The following MKI67 variants were observed in gnomAD, a reference collection of about 807,000 sequenced individuals.
MKI67 encodes the protein marker of proliferation Ki-67, also known as proliferation marker protein Ki-67.
MKI67 carries 152 observed loss-of-function variants against 233.5 expected under a neutral mutation model. That is an observed-to-expected ratio of 0.65 (90% confidence interval 0.57 to 0.74). The LOEUF (loss-of-function observed/expected upper bound fraction) is 0.74, where lower values mean the gene tolerates loss of function less well. MKI67 is among the 30% of genes least tolerant of loss of function. The probability of loss-of-function intolerance (pLI) is 0.00; values close to 1 mark genes in which losing one functional copy is unlikely to be tolerated. For synonymous variants in MKI67, 1,465 were observed against 1,418.5 expected (o/e 1.03, Z -0.74); for missense variants, 3,940 against 3,885.2 (o/e 1.01, Z -0.37).
chr10:128,112,238 C>T lies in MKI67; in HGVS notation c.1864G>A (p.Gly622Ser). Residue 622 changes from glycine (G) to serine (S), a missense_variant, in exon 9 of 15, where the codon GGC (glycine) becomes AGC (serine). Physicochemically the swap from Gly to Ser is moderately conservative, Grantham distance 56. Coordinates refer to ENST00000368654, the MANE Select transcript of MKI67 (RefSeq NM_002417.5). ...EVPKRGGRKS[G>S]NLPSKRVSIS... is the part of the protein sequence containing the mutation. ...GACACTCTCTTTGAAGGCAGGTTGCCACTCTTTCTCCCTCCTCTCTTAGGA... is the reference window on the plus strand; with the variant it reads ...GACACTCTCTTTGAAGGCAGGTTGCTACTCTTTCTCCCTCCTCTCTTAGGA... 2.5e-6 allele frequency: 4 copies of T among 1,614,212 alleles called. No individual in the cohort carries two copies. Among genetic ancestry groups the T allele is most frequent in the Non-Finnish European group, 3.4e-6 (4 of 1,180,030 alleles).
Position 128,115,476 on chromosome 10 carries a change from T to C in MKI67, c.932A>G (p.Gln311Arg). The change falls in exon 7 of 15, where the codon CAA becomes CGA. Residue 311 changes from glutamine (Q) to arginine (R), a missense_variant. Transcript: ENST00000368654. ...CTTCCCCTTGTTCTGGTCAAGCTCT[T>C]GTTCAGGTGAAGCAGGCTCTGCCAC... ...HAVAEPASPE[Q>R]ELDQNKGKGR... The C allele has an allele frequency of 6.2e-7, 1 of 1,614,012 alleles. No homozygotes were observed. The highest frequency in any genetic ancestry group is 8.5e-7 in the Non-Finnish European group (1 of 1,179,980).
intron 5 of MKI67, among the ~76,000 whole-genome samples, chr10:128,118,119 T>G (rs896669702): frequency 6.6e-6 from 1 of 152,196 alleles, no homozygotes; most frequent in Non-Finnish European, 1.5e-5. Flanking sequence ...AGAAATGGAC[T>G]GGGCATGGTG....
chr10:128,109,390 G>C lies in MKI67; in HGVS notation c.2450C>G (p.Ala817Gly). 6.2e-7 allele frequency: 1 copy of C among 1,613,812 alleles called. No homozygotes were observed. The highest frequency in any genetic ancestry group is 8.5e-7 in the Non-Finnish European group (1 of 1,179,854). The change falls in exon 13 of 15, where the codon GCA becomes GGA. Residue 817 changes from alanine (A) to glycine (G), a missense_variant. Physicochemically the swap from Ala to Gly is moderately conservative, Grantham distance 60 (BLOSUM62 0). Coordinates refer to ENST00000368654, the MANE Select transcript of MKI67 (RefSeq NM_002417.5). Reference sequence around the variant, plus strand: ...AGAGCATTTATCAGATGGCTGTTTTGCTGCATTCTGTGCACTGAAGAACAC... The same window carrying C: ...AGAGCATTTATCAGATGGCTGTTTTCCTGCATTCTGTGCACTGAAGAACAC... ...GNVFFSAQNA[A>G]KQPSDKCSAS...
intron 11 of MKI67, 26 bp downstream of exon 11, chr10:128,111,619 T>C: frequency 6.4e-7 from 1 of 1,571,644 alleles, no homozygotes. Context: ...TCAAAAGATT[T>C]ATAAGATCTA....
At position 128,115,767 on chromosome 10, in the gene MKI67, C is replaced by G; in HGVS notation, c.641G>C (p.Arg214Pro). Residue 214 changes from arginine to proline, a missense_variant, in exon 7 of 15, where the codon CGT becomes CCT. By Grantham distance (103) the Arg-to-Pro change is moderately radical (BLOSUM62 -2). Coordinates refer to ENST00000368654, the MANE Select transcript of MKI67 (RefSeq NM_002417.5). Reference sequence around the variant, plus strand: ...GGGAACAGACTTCAATTCTCCATAACGGCTCACTAATTTAACGCTGGAAAT... The same window carrying G: ...GGGAACAGACTTCAATTCTCCATAAGGGCTCACTAATTTAACGCTGGAAAT... Reference protein sequence around the residue: ...KEISSVKLVSRYGELKSVPTT... With the variant: ...KEISSVKLVSPYGELKSVPTT... The G allele has an allele frequency of 6.2e-7, 1 of 1,613,188 alleles. No individual in the cohort carries two copies. Among genetic ancestry groups the G allele is most frequent in the Non-Finnish European group, 8.5e-7 (1 of 1,180,026 alleles).
Position 128,106,728 on chromosome 10 carries a change from A to C in MKI67, c.5112T>G (p.Ser1704=), listed in dbSNP as rs773697697. 6.2e-7 allele frequency: 1 copy of C among 1,613,552 alleles called. No individual in the cohort carries two copies. Among genetic ancestry groups the C allele is most frequent in the South Asian group, 1.1e-5 (1 of 91,048 alleles). Residue 1704 remains serine, a synonymous_variant, in exon 13 of 15, where the codon TCT becomes TCG. Transcript: ENST00000368654. ...AGCCGGCCAGGTCTTCAGGGACTTC[A>C]GACTTTCCCTTAGGAGTTCTCAGCT... The part of the protein sequence containing the change: ...KRQLRTPKGK[S]EVPEDLAGFI...
Position 128,114,915 on chromosome 10 carries a change from T to C in MKI67, c.1480+13A>G. 6.5e-7 allele frequency: 1 copy of C among 1,531,738 alleles called. No homozygotes were observed. The allele number at this position is 1,531,738 out of a possible 1,614,324, so 94.9% of individuals were successfully genotyped here. A position where few individuals can be genotyped will look rare whatever the true frequency, so the allele number is the denominator to read the frequency against. On this transcript the variant is annotated intron_variant, in intron 7 of 14. Coordinates refer to ENST00000368654, the MANE Select transcript of MKI67 (RefSeq NM_002417.5). ...TCTTTTAGAAAAATAAATTTACAAT[T>C]AAATAAACTTACTAATGGAATCACC...
In MKI67 at chr10:128,097,148, T is replaced by G. The variant is rs1852228961; in HGVS notation, c.*2042A>C. On this transcript the variant is annotated 3_prime_UTR_variant, in exon 15 of 15. Coordinates refer to ENST00000368654, the MANE Select transcript of MKI67 (RefSeq NM_002417.5). ...AAAAACAGCTTGTATTTAATGGGAATGTCCTATTACATGGAAATTCACTTG... is the reference window on the plus strand; with the variant it reads ...AAAAACAGCTTGTATTTAATGGGAAGGTCCTATTACATGGAAATTCACTTG... 2.0e-5 allele frequency: 3 copies of G among 152,132 alleles called. No homozygotes were observed. The highest frequency in any genetic ancestry group is 7.2e-5 in the African/African-American group (3 of 41,426). 9.4% of individuals were successfully genotyped at this position (152,132 alleles called of 1,614,324 possible). A position where few individuals can be genotyped will look rare whatever the true frequency, so the allele number is the denominator to read the frequency against.
intron 2 of MKI67, among the ~76,000 whole-genome samples, chr10:128,123,889 C>T (rs1295177081): frequency 1.3e-5 from 2 of 152,164 alleles, no homozygotes; most frequent in Non-Finnish European, 2.9e-5. Context: ...ATTCCTAAAC[C>T]TATACAAACT....
At position 128,105,940 on chromosome 10, in the gene MKI67, G is replaced by C. The variant is rs1852479131; in HGVS notation, c.5900C>G (p.Thr1967Ser). 6.2e-7 allele frequency: 1 copy of C among 1,613,974 alleles called. No homozygotes were observed. Among genetic ancestry groups the C allele is most frequent in the Non-Finnish European group, 8.5e-7 (1 of 1,180,028 alleles). The stretch of plus-strand genomic sequence containing the variant: ...TTTGTCATCGGTCATTGATTCCTCA[G>C]TGTGACCTGGTGTCTGGAAGAGCTC... ...FKELFQTPGH[T>S]EESMTDDKIT... Residue 1967 changes from threonine (T) to serine (S), a missense_variant, in exon 13 of 15, where the codon ACT becomes AGT. Coordinates refer to ENST00000368654, the MANE Select transcript of MKI67 (RefSeq NM_002417.5).
chr10:128,118,916 G>C (rs2136148698), intron 5 of MKI67, among the ~76,000 whole-genome samples: 1 of 152,280 alleles, frequency 6.6e-6, no homozygotes, highest in Non-Finnish European at 1.5e-5. Flanking sequence ...GACAAAATGA[G>C]CCACCAGATA....
rs182165623 is a variant in MKI67 at position 128,099,983 on chromosome 10, T to C, written c.9706-728A>G. Among the ~76,000 whole-genome samples the C allele has an allele frequency of 1.7e-3, 259 of 152,320 alleles. 2 individuals are homozygous for C. Among genetic ancestry groups the C allele is most frequent in the South Asian group, 7.3e-3 (35 of 4,822 alleles). ...GTTAAAAGATTCGCTTTCACCCTTC[T>C]TTGGTTTCATTCTGAGGAAGCAGCA... On this transcript the variant is annotated intron_variant, in intron 14 of 14. Transcript: ENST00000368654.
rs181024034 is a variant in MKI67 at position 128,102,750 on chromosome 10, C to G, written c.9090G>C (p.Lys3030Asn). ...CTCTTGCCCTGGGAGCAACCCTCTG[C>G]TTCTTGCTGGCTGGCAGCTCCTCCA... is the stretch of plus-strand genomic sequence containing the variant. ...EIVEELPASK[K>N]QRVAPRARGK... The change falls in exon 13 of 15, where the codon AAG becomes AAC. Residue 3030 changes from lysine to asparagine, a missense_variant. Transcript: ENST00000368654. The G allele has an allele frequency of 1.9e-6, 3 of 1,614,248 alleles. No individual in the cohort carries two copies. The highest frequency in any genetic ancestry group is 1.6e-4 in the Middle Eastern group (1 of 6,062).
intron 4 of MKI67, among the ~76,000 whole-genome samples, chr10:128,120,806 C>A (rs1852920054): frequency 6.6e-6 from 1 of 151,978 alleles, no homozygotes; most frequent in South Asian, 2.1e-4. Context: ...ATGCAAACAG[C>A]AAGCAGAGGG....
In MKI67 at chr10:128,107,263, G is replaced by T; in HGVS notation, c.4577C>A (p.Ala1526Glu). 1 of 1,614,100 alleles carries T rather than the reference G, an allele frequency of 6.2e-7. No individual in the cohort carries two copies. Among genetic ancestry groups the T allele is most frequent in the Non-Finnish European group, 8.5e-7 (1 of 1,180,022 alleles). Reference protein sequence around the residue: ...RKVDVEEEFFALRKRTPSAGK... With the variant: ...RKVDVEEEFFELRKRTPSAGK... ...TGCTGATGGTGTTCGTTTCCTGAGTGCGAAGAATTCTTCTTCTACGTCCAC... is the reference window on the plus strand; with the variant it reads ...TGCTGATGGTGTTCGTTTCCTGAGTTCGAAGAATTCTTCTTCTACGTCCAC... The change falls in exon 13 of 15, where the codon GCA becomes GAA. Residue 1526 changes from alanine (A) to glutamate (E), a missense_variant. Coordinates refer to ENST00000368654, the MANE Select transcript of MKI67 (RefSeq NM_002417.5).
Position 128,115,844 on chromosome 10 carries a change from A to C in MKI67, c.564T>G (p.Ala188=). The change falls in exon 7 of 15, where the codon GCT becomes GCG. Residue 188 remains alanine, a synonymous_variant. Coordinates refer to ENST00000368654, the MANE Select transcript of MKI67 (RefSeq NM_002417.5). ...GTTNVHSSEH[A]GRNGRNAADP... is the part of the protein sequence containing the mutation. Reference sequence around the variant, plus strand: ...CAGCTGCATTTCTGCCATTACGTCCAGCATGTTCTGAGGAATGAACATTAG... The same window carrying C: ...CAGCTGCATTTCTGCCATTACGTCCCGCATGTTCTGAGGAATGAACATTAG... The C allele has an allele frequency of 2.5e-6, 4 of 1,609,012 alleles. No individual in the cohort carries two copies. Among genetic ancestry groups the C allele is most frequent in the South Asian group, 2.2e-5 (2 of 91,084 alleles).
Position 128,104,811 on chromosome 10 carries a change from T to C in MKI67, c.7029A>G (p.Lys2343=), listed in dbSNP as rs146038059. Residue 2343 remains lysine, a synonymous_variant, in exon 13 of 15, where the codon AAA becomes AAG. Coordinates refer to ENST00000368654, the MANE Select transcript of MKI67 (RefSeq NM_002417.5). ...TDEKTTKIAC[K]SPQPDPVDTP... ...TGTCCACTGGGTCTGGTTGTGGAGA[T>C]TTGCAGGCTATTTTGGTAGTTTTCT... 5 of 1,613,106 alleles carry C rather than the reference T, an allele frequency of 3.1e-6. No individual in the cohort carries two copies. Among genetic ancestry groups the C allele is most frequent in the East Asian group, 2.2e-5 (1 of 44,806 alleles).
At chr10:128,110,139 T>C (rs1016764738) in intron 12 of MKI67, among the ~76,000 whole-genome samples, 3 of 152,200 alleles carry the variant, frequency 2.0e-5, no homozygotes, top group Admixed American at 1.3e-4. Context: ...AAGCCAAAAG[T>C]GTACACAGGT....
chr10:128,114,788 C>T lies in MKI67; in HGVS notation c.1480+140G>A, dbSNP rs1042225260. The T allele has an allele frequency of 5.0e-5, 39 of 773,622 alleles. 1 individual carries two copies. Among genetic ancestry groups the T allele is most frequent in the Non-Finnish European group, 7.2e-5 (36 of 497,090 alleles). 47.9% of individuals were successfully genotyped at this position (773,622 alleles called of 1,614,324 possible). On this transcript the variant is annotated intron_variant, in intron 7 of 14. Coordinates refer to ENST00000368654, the MANE Select transcript of MKI67 (RefSeq NM_002417.5). Reference sequence around the variant, plus strand: ...TTCATCTATTAGCGAAAACAGCGTGCGTGTCTGTCTTATCCCTGTGCCTTA... The same window carrying T: ...TTCATCTATTAGCGAAAACAGCGTGTGTGTCTGTCTTATCCCTGTGCCTTA...
Sources: allele counts gnomAD v4.1 joint callset (sites outside exome capture counted in the v4.1 genomes callset), GRCh38; gene constraint gnomAD v4.1.1; transcripts MANE v1.5; gene names NCBI Gene and HGNC (gene_info 2026-07-23, HGNC 2026-07-21).